COL6A5: variants seen among roughly 807,000 people sequenced by gnomAD.
The protein encoded by COL6A5 is collagen alpha-5(VI) chain.
Under a neutral mutation model 65.6 loss-of-function variants are expected in COL6A5, and 48 were observed. The ratio of observed to expected loss-of-function variants is 0.73; its 90% confidence interval spans 0.58 to 0.93. COL6A5 has a LOEUF of 0.93. Ranked by LOEUF, COL6A5 falls within the 40% of genes least tolerant of loss-of-function variation. The pLI is 0.00. For missense variants in COL6A5, 914 were observed against 928.3 expected (o/e 0.98, Z 0.20); for synonymous variants, 291 against 322.8 (o/e 0.90, Z 1.05).
At chr3:130,447,197 G>A (rs1399230205) in intron 4 of COL6A5, among the ~76,000 whole-genome samples, 2 of 152,092 alleles carry the variant, frequency 1.3e-5, no homozygotes, top group East Asian at 1.9e-4. Context: ...TTTTTAACAT[G>A]GGTCATGCCT....
At chr3:130,402,129 G>C (rs1306020833) in intron 12 of COL6A5, among the ~76,000 whole-genome samples, 1 of 152,132 alleles carries the variant, frequency 6.6e-6, no homozygotes, top group East Asian at 1.9e-4. Context: ...AGTTTGAAAG[G>C]TGGTAAGAAG....
chr3:130,367,837 A>G (rs1431452556), intron 1 of COL6A5, among the ~76,000 whole-genome samples: 2 of 152,238 alleles, frequency 1.3e-5, no homozygotes, highest in African/African-American at 4.8e-5. Context: ...GGTCAGGCAA[A>G]GATTCTATTC....
intron 8 of COL6A5, among the ~76,000 whole-genome samples, chr3:130,396,277 T>C (rs1206347228): frequency 6.6e-6 from 1 of 152,250 alleles, no homozygotes; most frequent in African/African-American, 2.4e-5. Context: ...CTTACGTTTC[T>C]AGAGTTATTA....
At chr3:130,409,328 C>G in exon 18 of COL6A5, 1 of 1,539,856 alleles carries the variant, frequency 6.5e-7, no homozygotes, top group Non-Finnish European at 8.8e-7. Context: ...TTTTTCAGGG[C>G]AGCCCAGGTT....
At chr3:130,413,232 G>A (rs566355693) in intron 20 of COL6A5, among the ~76,000 whole-genome samples, 1 of 147,602 alleles carries the variant, frequency 6.8e-6, no homozygotes, top group East Asian at 1.9e-4. Flanking sequence ...ATTTGCCGGA[G>A]AGGGAAATAC....
At chr3:130,373,395 A>G (rs1381971944) in intron 1 of COL6A5, among the ~76,000 whole-genome samples, 1 of 152,168 alleles carries the variant, frequency 6.6e-6, no homozygotes, top group African/African-American at 2.4e-5. Flanking sequence ...CTTGTCAAGC[A>G]CTGAGAAAGG....
At chr3:130,478,196 C>A (rs1710144702) in intron 7 of COL6A5, among the ~76,000 whole-genome samples, 1 of 152,086 alleles carries the variant, frequency 6.6e-6, no homozygotes, top group South Asian at 2.1e-4. Flanking sequence ...CAGCTCTTAG[C>A]ATAGAGTAAA....
exon 3 of COL6A5, chr3:130,440,332 C>T (rs576256983): frequency 1.2e-5 from 20 of 1,613,396 alleles, no homozygotes; most frequent in Non-Finnish European, 1.6e-5. Context: ...TTGCTTCAGA[C>T]CCTTTAATCT....
chr3:130,419,026 G>T lies in COL6A5; in HGVS notation c.4950+95G>T, dbSNP rs568484686. ...GACACCTTCAGCCCAATTATGGGGG[G>T]CATGAAAGGTATTTCAGCATCTAGG... On this transcript the variant is annotated intron_variant and NMD_transcript_variant, in intron 25 of 41. Coordinates refer to the COL6A5 transcript ENST00000312481. 4.5e-6 allele frequency: 4 copies of T among 888,712 alleles called. No individual in the cohort carries two copies. The East Asian group carries it at 1.1e-4, about 23-fold the overall frequency. 55.1% of individuals were successfully genotyped at this position (888,712 alleles called of 1,614,324 possible).
At chr3:130,357,588 TAAAAG>T (rs1418912295) in intron 1 of COL6A5, among the ~76,000 whole-genome samples, 1 of 152,026 alleles carries the variant, frequency 6.6e-6, no homozygotes, top group Non-Finnish European at 1.5e-5. Flanking sequence ...CAACAGCACA[TAAAAG>T]GAAATGTAGG....
intron 1 of COL6A5, among the ~76,000 whole-genome samples, chr3:130,364,749 C>G (rs1935269715): frequency 6.6e-6 from 1 of 152,212 alleles, no homozygotes; most frequent in Non-Finnish European, 1.5e-5. Context: ...TCCAGTGAGT[C>G]TTGTTCTGCA....
chr3:130,464,202 G>A (rs1425587067), intron 5 of COL6A5, among the ~76,000 whole-genome samples: 1 of 152,024 alleles, frequency 6.6e-6, no homozygotes, highest in Non-Finnish European at 1.5e-5. Context: ...TGTGGTCACA[G>A]CTCAGTGCAG....
chr3:130,415,616 G>T lies in COL6A5; in HGVS notation c.4762-29G>T, dbSNP rs1364559781. On this transcript the variant is annotated intron_variant and NMD_transcript_variant, in intron 22 of 41. Coordinates refer to the COL6A5 transcript ENST00000312481. ...GAAGTAAGCTTTCATTGACATAATT[G>T]CATTGTATTTCCTTTGTTACCACTA... 6 of 1,525,106 alleles carry T rather than the reference G, an allele frequency of 3.9e-6. No individual in the cohort carries two copies. In the African/African-American group the frequency reaches 4.2e-5, roughly 11 times the overall value. The allele number at this position is 1,525,106 out of a possible 1,614,324, so 94.5% of individuals were successfully genotyped here. A position where few individuals can be genotyped will look rare whatever the true frequency, so the allele number is the denominator to read the frequency against.
chr3:130,431,946 T>G lies in COL6A5; in HGVS notation c.486T>G (p.Phe162Leu), dbSNP rs137931166. The change falls in exon 1 of 8, where the codon TTT (phenylalanine) becomes TTG (leucine). Residue 162 changes from phenylalanine (F) to leucine (L), a missense_variant. Coordinates refer to ENST00000512836, the Ensembl canonical transcript of COL6A5. ...ATGAGAGAGTTTTCCTTGAAGCTTT[T>G]GGGGTAAGAATTTCTCTTGGCAACT... 9.0e-6 allele frequency: 14 copies of G among 1,548,604 alleles called. No homozygotes were observed. In the African/African-American group the frequency reaches 1.9e-4, roughly 21 times the overall value.
chr3:130,429,256 A>T (rs1398027169), upstream of COL6A5, among the ~76,000 whole-genome samples: 2 of 152,226 alleles, frequency 1.3e-5, no homozygotes, highest in Non-Finnish European at 2.9e-5. Flanking sequence ...AATTTCAGCT[A>T]TCTTGCTGTT....
At chr3:130,474,234 A>C (rs1380988190) in intron 7 of COL6A5, among the ~76,000 whole-genome samples, 2 of 152,138 alleles carry the variant, frequency 1.3e-5, no homozygotes, top group East Asian at 1.9e-4. Context: ...GACCCTAAAA[A>C]GGATAGCAAA....
intron 5 of COL6A5, among the ~76,000 whole-genome samples, chr3:130,386,748 T>C (rs1486756388): frequency 3.9e-5 from 6 of 152,028 alleles, no homozygotes; most frequent in Non-Finnish European, 8.8e-5. Context: ...TCCCTTGCAC[T>C]TCAGGTAGTT....
chr3:130,450,321 G>T (rs146270889), intron 4 of COL6A5, among the ~76,000 whole-genome samples: 8 of 152,068 alleles, frequency 5.3e-5, no homozygotes, highest in Non-Finnish European at 1.2e-4. Flanking sequence ...TTACCTTTGC[G>T]ACAACGTGGG....
At chr3:130,471,551 T>C in intron 7 of COL6A5, 131 bp from the exon 40 acceptor site, 2 of 816,968 alleles carry the variant, frequency 2.4e-6, no homozygotes, top group East Asian at 2.7e-5. Flanking sequence ...ATTTCATTCA[T>C]GGACTGAACT....
Sources: gnomAD v4.1 joint callset for allele counts (sites outside exome capture counted in the v4.1 genomes callset) on GRCh38, gnomAD v4.1.1 for gene constraint, MANE v1.5 for transcripts, NCBI Gene and HGNC (gene_info 2026-07-23, HGNC 2026-07-21) for gene names.